CACNA2D2: variants seen among roughly 807,000 people sequenced by gnomAD.
CACNA2D2 encodes voltage-dependent calcium channel subunit alpha-2/delta-2.
In CACNA2D2, 48 loss-of-function variants were observed where a neutral mutation model predicts 166.4. The ratio of observed to expected loss-of-function variants is 0.29; its 90% CI spans 0.23 to 0.37. The LOEUF is 0.37. Ranked by LOEUF, CACNA2D2 falls within the 10% of genes least tolerant of loss-of-function variation. The pLI, the probability that CACNA2D2 is intolerant of heterozygous loss-of-function variation, is 1.00. For synonymous variants in CACNA2D2, 561 were observed against 573.7 expected, an observed-to-expected ratio of 0.98 and a Z score of 0.32; for missense variants, 1,122 against 1,433.0, an observed-to-expected ratio of 0.78 and a Z score of 3.50.
At chr3:50,420,328 C>T (rs1219896378) in intron 3 of CACNA2D2, among the ~76,000 whole-genome samples, 4 of 152,200 alleles carry the variant, frequency 2.6e-5, no homozygotes, top group African/African-American at 7.2e-5. Context: ...CTGAGCTGCA[C>T]GGGGCCCTCT....
intron 1 of CACNA2D2, among the ~76,000 whole-genome samples, chr3:50,497,187 G>A (rs1281608187): frequency 5.9e-5 from 9 of 152,198 alleles, no homozygotes; most frequent in African/African-American, 1.9e-4. Flanking sequence ...AAAGCAGGGC[G>A]TGGAGAGGAG....
At position 50,397,846 on chromosome 3, in the gene CACNA2D2, C is replaced by T. The variant is rs147960877; in HGVS notation, c.406-3678G>A. Among the ~76,000 whole-genome samples, 24 of 152,356 alleles carry T rather than the reference C, an allele frequency of 1.6e-4. No homozygotes were observed. In the East Asian group the frequency reaches 2.3e-3, roughly 15 times the overall value. On this transcript the variant is annotated intron_variant, in intron 3 of 37. Transcript: ENST00000424201. ...GGACAAGGTGGGCTTTACTCCCCTC[C>T]GCCAAGGAGGACATGTCCTGAGGCA... is the stretch of plus-strand genomic sequence containing the variant.
intron 1 of CACNA2D2, among the ~76,000 whole-genome samples, chr3:50,489,320 CT>C (rs1383060412): frequency 6.6e-6 from 1 of 152,178 alleles, no homozygotes; most frequent in African/African-American, 2.4e-5. Flanking sequence ...GAGTAATGGC[CT>C]CCTCCATATG....
intron 23 of CACNA2D2, among the ~76,000 whole-genome samples, chr3:50,368,816 C>G (rs924829625): frequency 5.3e-5 from 8 of 152,230 alleles, no homozygotes; most frequent in Admixed American, 2.6e-4. Context: ...TCAAGACCCT[C>G]ACTGCATTCA....
intron 3 of CACNA2D2, among the ~76,000 whole-genome samples, chr3:50,403,725 C>A (rs1343715654): frequency 6.6e-6 from 1 of 152,242 alleles, no homozygotes; most frequent in African/African-American, 2.4e-5. Context: ...TTCTACCACA[C>A]TGACATTGAA....
chr3:50,441,174 G>A (rs1708578374), intron 2 of CACNA2D2, among the ~76,000 whole-genome samples: 1 of 152,030 alleles, frequency 6.6e-6, no homozygotes, highest in African/African-American at 2.4e-5. Flanking sequence ...GGTGAGAAAG[G>A]CCTGGCGGCT....
chr3:50,407,115 C>A (rs1706750851), intron 3 of CACNA2D2, among the ~76,000 whole-genome samples: 4 of 151,768 alleles, frequency 2.6e-5, no homozygotes. Flanking sequence ...ACTAAACACA[C>A]CACAGGCAGG....
chr3:50,381,981 TACACACACACACACAC>T (rs34662551), intron 6 of CACNA2D2, among the ~76,000 whole-genome samples: 9 of 133,462 alleles, frequency 6.7e-5, no homozygotes, highest in Admixed American at 3.7e-4. Flanking sequence ...GATCTATCCC[TACACACACACACACAC>T]ACACACACAC....
chr3:50,395,565 C>T (rs530578793), intron 3 of CACNA2D2, among the ~76,000 whole-genome samples: 2 of 152,338 alleles, frequency 1.3e-5, no homozygotes, highest in South Asian at 4.1e-4. Context: ...GACACCTCAC[C>T]CCCATCCTTG....
chr3:50,409,790 G>A (rs1268991612), intron 3 of CACNA2D2, among the ~76,000 whole-genome samples: 1 of 152,204 alleles, frequency 6.6e-6, no homozygotes, highest in Non-Finnish European at 1.5e-5. Flanking sequence ...GAGGAAGTGG[G>A]CCTCTGGCTG....
rs770892564 is a variant in CACNA2D2, at chr3:50,367,542, C to T, written c.2298-45G>A. Reference sequence around the variant, plus strand: ...GACTGGTAGGTAAGGGGTGGCTTGTCGGGGACAGTGGTCTCCACAGATGCA... The same window carrying T: ...GACTGGTAGGTAAGGGGTGGCTTGTTGGGGACAGTGGTCTCCACAGATGCA... On this transcript the variant is annotated intron_variant, in intron 26 of 37. Coordinates refer to ENST00000424201, the MANE Select transcript of CACNA2D2 (RefSeq NM_006030.4). This position sits in a 1 kb window ranked among gnomAD's most constrained non-coding sequence, Gnocchi z 6.5. 2.3e-5 allele frequency: 37 copies of T among 1,608,494 alleles called. No individual in the cohort carries two copies. The highest frequency in any genetic ancestry group is 5.0e-5 in the Admixed American group (3 of 59,786).
intron 1 of CACNA2D2, among the ~76,000 whole-genome samples, chr3:50,480,993 T>C (rs1407641213): frequency 8.4e-5 from 6 of 71,032 alleles, no homozygotes; most frequent in African/African-American, 1.6e-4. Context: ...TGCAGCAGCA[T>C]AGATTAAACT....
intron 2 of CACNA2D2, among the ~76,000 whole-genome samples, chr3:50,466,574 T>C (rs1045408223): frequency 2.0e-5 from 3 of 152,212 alleles, no homozygotes; most frequent in African/African-American, 7.2e-5. Context: ...TATTCTCTTC[T>C]CCGTGTGCAG....
intron 1 of CACNA2D2, among the ~76,000 whole-genome samples, chr3:50,489,373 C>T (rs1169425661): frequency 2.6e-5 from 4 of 152,238 alleles, no homozygotes; most frequent in South Asian, 2.1e-4. Flanking sequence ...CTTCCCCCCG[C>T]GCTGGCTCAG....
At chr3:50,395,346 G>A (rs941622464) in intron 3 of CACNA2D2, among the ~76,000 whole-genome samples, 5 of 152,116 alleles carry the variant, frequency 3.3e-5, no homozygotes, top group Non-Finnish European at 5.9e-5. Flanking sequence ...GCTCAGGCTG[G>A]GCCCCGGAGC....
chr3:50,363,112 T>C lies in CACNA2D2; in HGVS notation c.*1554A>G. The C allele has an allele frequency of 2.5e-6, 1 of 398,842 alleles. No homozygotes were observed. The highest frequency in any genetic ancestry group is 3.6e-5 in the East Asian group (1 of 28,086). The allele number at this position is 398,842 out of a possible 1,614,324, so 24.7% of individuals were successfully genotyped here. The stretch of plus-strand genomic sequence containing the variant: ...TGTCTGTTTTTCTGTTTTTTAAACT[T>C]AAAATATATATTTTTCTGTATATGT... On this transcript the variant is annotated 3_prime_UTR_variant, in exon 38 of 38. Coordinates refer to ENST00000424201, the MANE Select transcript of CACNA2D2 (RefSeq NM_006030.4).
At chr3:50,491,975 T>C (rs1269714314) in intron 1 of CACNA2D2, among the ~76,000 whole-genome samples, 1 of 152,178 alleles carries the variant, frequency 6.6e-6, no homozygotes, top group Non-Finnish European at 1.5e-5. Context: ...AAGGGCTAGG[T>C]TCCTGGCCAC....
chr3:50,421,736 G>C (rs1707570980), intron 3 of CACNA2D2, among the ~76,000 whole-genome samples: 1 of 152,150 alleles, frequency 6.6e-6, no homozygotes. Flanking sequence ...AAGGGTCCAA[G>C]GTGCAAACTC....
At chr3:50,496,411 A>G (rs1167284612) in intron 1 of CACNA2D2, among the ~76,000 whole-genome samples, 2 of 152,262 alleles carry the variant, frequency 1.3e-5, no homozygotes, top group African/African-American at 2.4e-5. Flanking sequence ...CACATACATG[A>G]ACACACAGGT....
Sources: allele counts gnomAD v4.1 joint callset (sites outside exome capture counted in the v4.1 genomes callset), GRCh38; gene constraint gnomAD v4.1.1; non-coding constraint Gnocchi (gnomAD v3.1); transcripts MANE v1.5; gene names NCBI Gene and HGNC (gene_info 2026-07-23, HGNC 2026-07-21).